The following NKAIN3 variants were observed in gnomAD, a reference collection of about 807,000 sequenced individuals.
NKAIN3 encodes sodium/potassium transporting ATPase interacting 3.
In NKAIN3, 25 loss-of-function variants were observed where a neutral mutation model predicts 30.2. The observed-to-expected ratio is 0.83, with a 90% CI of 0.60 to 1.16. NKAIN3 has a LOEUF of 1.16. Ranked by LOEUF, NKAIN3 falls within the 50% of genes most tolerant of loss-of-function variation. NKAIN3 has a pLI of 0.00. For synonymous variants in NKAIN3, 91 were observed against 89.6 expected (o/e 1.02, Z -0.09); for missense variants, 225 against 254.1 (o/e 0.89, Z 0.78).
chr8:62,919,520 C>T (rs188370471), intron 5 of NKAIN3, among the ~76,000 whole-genome samples: 2 of 152,244 alleles, frequency 1.3e-5, no homozygotes, highest in East Asian at 3.9e-4. Flanking sequence ...GCTGGGATTA[C>T]AGGCGTCAGC....
At chr8:62,843,146 G>C (rs933012341) in intron 4 of NKAIN3, among the ~76,000 whole-genome samples, 1 of 151,790 alleles carries the variant, frequency 6.6e-6, no homozygotes, top group Non-Finnish European at 1.5e-5. Flanking sequence ...GTCATACAGA[G>C]GAGATAGAAT....
chr8:62,311,286 T>G (rs1234003677), intron 1 of NKAIN3, among the ~76,000 whole-genome samples: 1 of 150,318 alleles, frequency 6.7e-6, no homozygotes, highest in African/African-American at 2.5e-5. Flanking sequence ...ACTGGGTAAC[T>G]GTGGAGAGAG....
At chr8:62,335,239 A>C (rs1274004233) in intron 1 of NKAIN3, among the ~76,000 whole-genome samples, 2 of 151,960 alleles carry the variant, frequency 1.3e-5, no homozygotes, top group Non-Finnish European at 2.9e-5. Context: ...CAGCCTGGCC[A>C]AAATGGTGAA....
chr8:62,798,853 G>A (rs1290618348), intron 4 of NKAIN3, among the ~76,000 whole-genome samples: 1 of 152,090 alleles, frequency 6.6e-6, no homozygotes, highest in Non-Finnish European at 1.5e-5. Context: ...GAAAGGAAAG[G>A]AGATATCAAG....
At chr8:62,806,555 C>CA (rs1243759131) in intron 4 of NKAIN3, among the ~76,000 whole-genome samples, 1 of 151,950 alleles carries the variant, frequency 6.6e-6, no homozygotes. Context: ...ATCAGAAGGA[C>CA]AAAAAACCAA....
chr8:62,418,677 C>T (rs117907724), intron 1 of NKAIN3, among the ~76,000 whole-genome samples: 137 of 152,202 alleles, frequency 9.0e-4, no homozygotes, highest in Non-Finnish European at 1.0e-3. Flanking sequence ...GTTCTGGGGA[C>T]GTGGTTACTA....
In NKAIN3 at chr8:62,605,535, G is replaced by T. The variant is rs138753115; in HGVS notation, c.273+15741G>T. Among the ~76,000 whole-genome samples the T allele has an allele frequency of 2.3e-3, 343 of 151,916 alleles. 3 individuals carry two copies. The highest frequency in any genetic ancestry group is 7.6e-3 in the African/African-American group (315 of 41,450). On this transcript the variant is annotated intron_variant, in intron 3 of 6. Transcript: ENST00000623646. ...CCATAAAGTATTTAGTATACAGTCT[G>T]CCCTCTGAATCTACAGGTTCCACAT...
intron 5 of NKAIN3, among the ~76,000 whole-genome samples, chr8:62,922,281 C>T (rs559884149): frequency 2.5e-4 from 38 of 152,262 alleles, no homozygotes; most frequent in African/African-American, 8.7e-4. Flanking sequence ...ATGTATTTAC[C>T]TGTCTGCCCA....
intron 1 of NKAIN3, among the ~76,000 whole-genome samples, chr8:62,433,938 C>T (rs1489731789): frequency 2.0e-5 from 3 of 152,060 alleles, no homozygotes; most frequent in Non-Finnish European, 1.5e-5. Flanking sequence ...GCCTTCAGTC[C>T]ATCCATCCAC....
At chr8:62,299,942 G>A (rs1813986960) in intron 1 of NKAIN3, among the ~76,000 whole-genome samples, 1 of 152,098 alleles carries the variant, frequency 6.6e-6, no homozygotes, top group African/African-American at 2.4e-5. Context: ...AAATTGTAGT[G>A]TGGATCAGTA....
intron 1 of NKAIN3, among the ~76,000 whole-genome samples, chr8:62,275,241 A>C (rs1585622094): frequency 6.6e-6 from 1 of 152,124 alleles, no homozygotes; most frequent in Non-Finnish European, 1.5e-5. Flanking sequence ...ATTTCTCCAC[A>C]TCCTCTCCAG....
At chr8:62,851,141 G>A (rs887772184) in intron 4 of NKAIN3, among the ~76,000 whole-genome samples, 5 of 151,998 alleles carry the variant, frequency 3.3e-5, no homozygotes, top group Non-Finnish European at 5.9e-5. Flanking sequence ...TTGAGCAGTG[G>A]TTTGTAGTTC....
chr8:62,797,189 A>T (rs867264524), intron 4 of NKAIN3, among the ~76,000 whole-genome samples: 1 of 152,338 alleles, frequency 6.6e-6, no homozygotes. Context: ...AATCACTTTC[A>T]TAGCTAAACA....
intron 3 of NKAIN3, among the ~76,000 whole-genome samples, chr8:62,590,244 T>C (rs1387956829): frequency 6.6e-6 from 1 of 151,832 alleles, no homozygotes; most frequent in South Asian, 2.1e-4. Flanking sequence ...TGGAAAAAAT[T>C]GACCAAGAAC....
intron 4 of NKAIN3, among the ~76,000 whole-genome samples, chr8:62,824,167 G>A (rs1818944583): frequency 6.6e-6 from 1 of 152,152 alleles, no homozygotes; most frequent in African/African-American, 2.4e-5. Context: ...CAGGATAGAG[G>A]ACATGACATT....
chr8:62,319,260 T>G (rs1314679495), intron 1 of NKAIN3, among the ~76,000 whole-genome samples: 1 of 152,208 alleles, frequency 6.6e-6, no homozygotes, highest in African/African-American at 2.4e-5. Flanking sequence ...CTATCAATTT[T>G]GTTGATCTTT....
intron 5 of NKAIN3, among the ~76,000 whole-genome samples, chr8:62,931,417 A>G (rs1042054302): frequency 6.6e-6 from 1 of 152,220 alleles, no homozygotes; most frequent in African/African-American, 2.4e-5. Context: ...TACCAAGCAG[A>G]CACAGATTAT....
chr8:62,761,972 CA>C (rs1307569106), intron 4 of NKAIN3, among the ~76,000 whole-genome samples: 1 of 152,110 alleles, frequency 6.6e-6, no homozygotes, highest in African/African-American at 2.4e-5. Context: ...TGTAAATAAT[CA>C]AATTAGTTTA....
At chr8:62,897,873 C>CT (rs1202692066) in intron 4 of NKAIN3, among the ~76,000 whole-genome samples, 1 of 152,138 alleles carries the variant, frequency 6.6e-6, no homozygotes, top group African/African-American at 2.4e-5. Flanking sequence ...CTTTCTGACA[C>CT]AAGTTGACGC....
Sources: gnomAD v4.1 joint callset for allele counts (sites outside exome capture counted in the v4.1 genomes callset) on GRCh38, gnomAD v4.1.1 for gene constraint, MANE v1.5 for transcripts, NCBI Gene and HGNC (gene_info 2026-07-23, HGNC 2026-07-21) for gene names.